The following FAM117A variants were observed in gnomAD, a reference collection of about 807,000 sequenced individuals.
FAM117A encodes the protein family with sequence similarity 117 member A.
A neutral mutation model predicts 44.1 loss-of-function variants in FAM117A; 21 were observed. The ratio of observed to expected loss-of-function variants is 0.48; its 90% confidence interval spans 0.34 to 0.69. FAM117A has a LOEUF of 0.69. Among genes scored for constraint, FAM117A ranks in the 30% least tolerant of loss-of-function variants. FAM117A has a pLI of 0.01. For synonymous variants in FAM117A, 220 were observed against 238.3 expected, an observed-to-expected ratio of 0.92 and a Z score of 0.71; for missense variants, 498 against 589.9, an observed-to-expected ratio of 0.84 and a Z score of 1.61.
intron 1 of FAM117A, among the ~76,000 whole-genome samples, chr17:49,770,957 A>G (rs2143796309): frequency 6.6e-6 from 1 of 152,234 alleles, no homozygotes; most frequent in East Asian, 1.9e-4. Context: ...CTGTAATCCC[A>G]GCACTTTGGG....
At chr17:49,755,463 T>C (rs1287603116) in intron 1 of FAM117A, among the ~76,000 whole-genome samples, 1 of 152,220 alleles carries the variant, frequency 6.6e-6, no homozygotes, top group African/African-American at 2.4e-5. Flanking sequence ...TCTCACCATA[T>C]CCACTTCAAA....
chr17:49,785,576 G>A (rs1414153995), intron 1 of FAM117A, among the ~76,000 whole-genome samples: 3 of 152,066 alleles, frequency 2.0e-5, no homozygotes, highest in South Asian at 4.1e-4. Flanking sequence ...GCAGCAGAGC[G>A]GAGATTAAAA....
chr17:49,713,467 A>G (rs1259366334), intron 7 of FAM117A, among the ~76,000 whole-genome samples: 1 of 152,108 alleles, frequency 6.6e-6, no homozygotes, highest in Non-Finnish European at 1.5e-5. Context: ...TAATATATAC[A>G]CTCAGAGAAA....
At chr17:49,758,637 TAAAA>T (rs1419568535) in intron 1 of FAM117A, among the ~76,000 whole-genome samples, 7 of 96,866 alleles carry the variant, frequency 7.2e-5, no homozygotes, top group South Asian at 6.9e-4. Context: ...AAAAAAAAAA[TAAAA>T]TAAATAAATA....
At chr17:49,724,844 GAAAGAAA>G (rs2073552677) in intron 2 of FAM117A, among the ~76,000 whole-genome samples, 2 of 144,964 alleles carry the variant, frequency 1.4e-5, no homozygotes, top group African/African-American at 2.5e-5. Context: ...AAAAAAGAAA[GAAAGAAA>G]AAAGAAAAAA....
In FAM117A at chr17:49,786,752, G is replaced by C. The variant is rs1395753021; in HGVS notation, c.-621+1745C>G. On this transcript the variant is annotated intron_variant, in intron 1 of 7. Transcript: ENST00000513602. ...AGCTCGTGCCATTGCCCTCCAGCCT[G>C]GCAACAAGAGCAAAACCCTGTCTCA... Among the ~76,000 whole-genome samples the C allele has an allele frequency of 2.0e-5, 3 of 148,388 alleles. No homozygotes were observed. The Admixed American group carries it at 2.0e-4, about 10-fold the overall frequency.
intron 1 of FAM117A, among the ~76,000 whole-genome samples, chr17:49,751,740 G>C (rs1049228777): frequency 1.3e-5 from 2 of 150,370 alleles, no homozygotes; most frequent in African/African-American, 4.9e-5. Context: ...TCAGGAGTTT[G>C]AGACCAGCCT....
chr17:49,720,587 G>A (rs2073529450), intron 3 of FAM117A, 151 bp from the exon 4 acceptor site: 1 of 630,216 alleles, frequency 1.6e-6, no homozygotes, highest in African/African-American at 1.8e-5. Context: ...TAGCTCAATG[G>A]TGTTAAAACT....
At chr17:49,788,694 G>T (rs1567843382), upstream of FAM117A, 36 of 908,862 alleles carry the variant, frequency 4.0e-5, 1 homozygote, top group East Asian at 1.2e-3. Context: ...GAACGCTCCA[G>T]ACGCTGAGAG....
At position 49,710,992 on chromosome 17, in the gene FAM117A, T is replaced by C; in HGVS notation, c.*263A>G. The C allele has an allele frequency of 2.6e-6, 1 of 378,100 alleles. No homozygotes were observed. The highest frequency in any genetic ancestry group is 4.2e-5 in the East Asian group (1 of 23,738). The allele number at this position is 378,100 out of a possible 1,614,324, so 23.4% of individuals were successfully genotyped here. A position where few individuals can be genotyped will look rare whatever the true frequency, so the allele number is the denominator to read the frequency against. ...GGGGGACTCAAGACCTTCTGGGTGT[T>C]TTCCACCAAGTGAGGGATGTGGCAG... On this transcript the variant is annotated 3_prime_UTR_variant, in exon 8 of 8. Transcript: ENST00000240364.
chr17:49,768,611 T>A (rs566740512), upstream of FAM117A, among the ~76,000 whole-genome samples: 1 of 152,210 alleles, frequency 6.6e-6, no homozygotes, highest in South Asian at 2.1e-4. Flanking sequence ...CAGGACTGGC[T>A]CCTCAGGGAA....
intron 1 of FAM117A, among the ~76,000 whole-genome samples, chr17:49,769,840 C>T (rs78250406): frequency 6.6e-6 from 1 of 152,258 alleles, no homozygotes; most frequent in Non-Finnish European, 1.5e-5. Context: ...GTGATTCAGC[C>T]TCTCACATTA....
At chr17:49,724,325 A>T in intron 2 of FAM117A, 1 of 455,790 alleles carries the variant, frequency 2.2e-6, no homozygotes, top group Admixed American at 2.3e-5. Flanking sequence ...CAGAGGCTAT[A>T]GAGGGATGAC....
At chr17:49,778,040 C>T (rs575311139) in intron 1 of FAM117A, among the ~76,000 whole-genome samples, 4 of 152,282 alleles carry the variant, frequency 2.6e-5, no homozygotes, top group African/African-American at 7.2e-5. Flanking sequence ...AATTGCCCTT[C>T]GTAAGGGTGA....
At chr17:49,749,917 G>A (rs1353293704) in intron 1 of FAM117A, among the ~76,000 whole-genome samples, 1 of 148,598 alleles carries the variant, frequency 6.7e-6, no homozygotes, top group Non-Finnish European at 1.5e-5. Flanking sequence ...ACCCCAATGT[G>A]CTATGTGAAC....
intron 5 of FAM117A, among the ~76,000 whole-genome samples, chr17:49,718,811 T>C (rs984422528): frequency 7.4e-5 from 11 of 148,518 alleles, no homozygotes; most frequent in African/African-American, 2.8e-4. Context: ...TGAAACCCCC[T>C]ACTAAAATAC....
intron 1 of FAM117A, among the ~76,000 whole-genome samples, chr17:49,753,426 C>T (rs910874574): frequency 6.6e-6 from 1 of 152,214 alleles, no homozygotes; most frequent in African/African-American, 2.4e-5. Flanking sequence ...CAATGAAATG[C>T]CACCTGCACC....
intron 1 of FAM117A, among the ~76,000 whole-genome samples, chr17:49,748,562 G>A (rs556828538): frequency 6.6e-6 from 1 of 152,200 alleles, no homozygotes; most frequent in East Asian, 1.9e-4. Flanking sequence ...TATATAAGCT[G>A]GGGTAACAAT....
At chr17:49,757,878 C>A (rs757393522) in intron 1 of FAM117A, among the ~76,000 whole-genome samples, 53 of 152,212 alleles carry the variant, frequency 3.5e-4, no homozygotes, top group Admixed American at 1.4e-3. Flanking sequence ...CCTGTTCCCA[C>A]TTCTGTGACA....
Sources: gnomAD v4.1 joint callset for allele counts (sites outside exome capture counted in the v4.1 genomes callset) on GRCh38, gnomAD v4.1.1 for gene constraint, MANE v1.5 for transcripts, NCBI Gene and HGNC (gene_info 2026-07-23, HGNC 2026-07-21) for gene names.